The following WRN variants were observed in gnomAD, a reference collection of about 807,000 sequenced individuals.
WRN encodes bifunctional 3'-5' exonuclease/ATP-dependent helicase WRN.
WRN carries 149 observed loss-of-function variants against 180.7 expected under a neutral mutation model. The ratio of observed to expected loss-of-function variants is 0.82; its 90% confidence interval spans 0.72 to 0.94. The LOEUF (loss-of-function observed/expected upper bound fraction) is 0.94. Ranked by LOEUF, WRN falls within the 40% of genes least tolerant of loss-of-function variation. The pLI, the probability that WRN is intolerant of heterozygous loss-of-function variation, is 0.00. For synonymous variants in WRN, 548 were observed against 568.9 expected (o/e 0.96, Z 0.52); for missense variants, 1,661 against 1,700.1 (o/e 0.98, Z 0.40).
In WRN at chr8:31,175,203, G is replaced by A. The variant is rs192099438; in HGVS notation, c.*2101G>A. ...TGTAATCCCAGCACTTTGGGAGGCC[G>A]AGGCGGGCGGATCACGAGATCAGGA... On this transcript the variant is annotated 3_prime_UTR_variant, in exon 35 of 35. Transcript: ENST00000298139. Among the ~76,000 whole-genome samples the A allele has an allele frequency of 1.5e-3, 226 of 152,214 alleles. 1 individual carries two copies. The highest frequency in any genetic ancestry group is 5.1e-3 in the African/African-American group (214 of 41,560).
At chr8:31,118,573 A>G (rs1801605245) in intron 20 of WRN, among the ~76,000 whole-genome samples, 1 of 152,006 alleles carries the variant, frequency 6.6e-6, no homozygotes, top group Admixed American at 6.6e-5. Flanking sequence ...AATTCTAGAT[A>G]TTCACTTTTG....
chr8:31,170,077 C>T (rs759366726), intron 34 of WRN, among the ~76,000 whole-genome samples: 4 of 152,288 alleles, frequency 2.6e-5, no homozygotes, highest in South Asian at 4.1e-4. Flanking sequence ...TGCTTTCTCC[C>T]GTACAGATGT....
intron 9 of WRN, among the ~76,000 whole-genome samples, chr8:31,082,494 T>C (rs1194926833): frequency 2.0e-5 from 3 of 152,188 alleles, no homozygotes; most frequent in Non-Finnish European, 4.4e-5. Flanking sequence ...GAAATATCAG[T>C]TTTTGCTAAC....
At chr8:31,089,683 A>G (rs1017792031) in intron 13 of WRN, among the ~76,000 whole-genome samples, 1 of 152,158 alleles carries the variant, frequency 6.6e-6, no homozygotes, top group Non-Finnish European at 1.5e-5. Flanking sequence ...GGTCAGTAAC[A>G]GCATGCCAGA....
chr8:31,048,170 A>G (rs1035735926), intron 1 of WRN, among the ~76,000 whole-genome samples: 2 of 152,226 alleles, frequency 1.3e-5, no homozygotes, highest in Non-Finnish European at 2.9e-5. Context: ...ACTTTTAAAA[A>G]TTACATCGTC....
intron 33 of WRN, among the ~76,000 whole-genome samples, chr8:31,164,843 A>G (rs992959680): frequency 2.0e-5 from 3 of 152,176 alleles, no homozygotes; most frequent in Non-Finnish European, 2.9e-5. Flanking sequence ...TCTGCAGTAG[A>G]TATTTTCAGC....
At chr8:31,054,793 T>C (rs1460905282) in intron 1 of WRN, among the ~76,000 whole-genome samples, 1 of 152,264 alleles carries the variant, frequency 6.6e-6, no homozygotes, top group African/African-American at 2.4e-5. Flanking sequence ...GCAGGTTTGC[T>C]ACATAGGTAA....
At chr8:31,108,695 C>T (rs1249988086) in intron 18 of WRN, among the ~76,000 whole-genome samples, 3 of 151,850 alleles carry the variant, frequency 2.0e-5, no homozygotes, top group Admixed American at 1.3e-4. Flanking sequence ...CACAGGTTTG[C>T]AGTGTTACAC....
Position 31,055,353 on chromosome 8 carries a change from A to C in WRN, c.-76-3019A>C, listed in dbSNP as rs10088374. Reference sequence around the variant, plus strand: ...TTCCACAATGGTTGAACTAGTTTACATTCCCACCAACAGTGTAAAAGCATT... The same window carrying C: ...TTCCACAATGGTTGAACTAGTTTACCTTCCCACCAACAGTGTAAAAGCATT... On this transcript the variant is annotated intron_variant, in intron 1 of 34. Coordinates refer to ENST00000298139, the MANE Select transcript of WRN (RefSeq NM_000553.6). 4.7e-3 allele frequency among the ~76,000 whole-genome samples: 713 copies of C among 152,332 alleles called. 4 individuals carry two copies. The highest frequency in any genetic ancestry group is 0.017 in the African/African-American group (697 of 41,586).
In WRN at chr8:31,141,796, C is replaced by A. The variant is rs181623040; in HGVS notation, c.3233+21C>A. The A allele has an allele frequency of 4.2e-5, 67 of 1,602,692 alleles. No homozygotes were observed. In the African/African-American group the frequency reaches 7.4e-4, roughly 18 times the overall value. On this transcript the variant is annotated intron_variant, in intron 26 of 34. Transcript: ENST00000298139. ...CCTAGGTTCATTTTTCAGTTTTTTT[C>A]TTGTAACTTCTGCATTTTTTGTTGC...
chr8:31,143,106 C>T (rs111243149), intron 27 of WRN, among the ~76,000 whole-genome samples: 2,411 of 151,350 alleles, frequency 0.016, 55 homozygotes, highest in African/African-American at 0.055. Context: ...CACTTATGTA[C>T]TTTCTTGCTT....
intron 26 of WRN, 40 bp from the exon 27 acceptor site, chr8:31,142,586 A>G (rs905373214): frequency 5.5e-6 from 8 of 1,454,138 alleles, no homozygotes; most frequent in African/African-American, 2.8e-5. Context: ...AGATACTTGC[A>G]TCTTAACATT....
chr8:31,114,222 T>G (rs1206900402), intron 19 of WRN, among the ~76,000 whole-genome samples: 2 of 152,160 alleles, frequency 1.3e-5, no homozygotes, highest in Non-Finnish European at 1.5e-5. Context: ...TTCCTTTAAT[T>G]TGTTTATCAG....
At chr8:31,093,863 T>A (rs1442526840) in intron 16 of WRN, among the ~76,000 whole-genome samples, 1 of 152,246 alleles carries the variant, frequency 6.6e-6, no homozygotes, top group Non-Finnish European at 1.5e-5. Flanking sequence ...TTTTATGTGC[T>A]CTTTTTTGTC....
At chr8:31,089,322 C>T (rs1044412972) in intron 13 of WRN, among the ~76,000 whole-genome samples, 2 of 151,902 alleles carry the variant, frequency 1.3e-5, no homozygotes, top group Non-Finnish European at 2.9e-5. Flanking sequence ...TGCAGATGTA[C>T]TAGAAGTTCT....
At chr8:31,092,630 C>T (rs1813796211) in intron 16 of WRN, among the ~76,000 whole-genome samples, 1 of 151,912 alleles carries the variant, frequency 6.6e-6, no homozygotes, top group South Asian at 2.1e-4. Context: ...TTAGTATATA[C>T]ATACACACGA....
chr8:31,052,697 G>A (rs1244380840), intron 1 of WRN, among the ~76,000 whole-genome samples: 1 of 152,034 alleles, frequency 6.6e-6, no homozygotes, highest in Admixed American at 6.6e-5. Context: ...TTTTTAATTT[G>A]CTTTTTTCAC....
At chr8:31,096,654 A>C (rs1211067646) in intron 16 of WRN, 114 bp from the exon 17 acceptor site, 1 of 835,106 alleles carries the variant, frequency 1.2e-6, no homozygotes, top group Admixed American at 2.6e-5. Context: ...TTAAACTTTC[A>C]TAAGGTATCT....
intron 33 of WRN, among the ~76,000 whole-genome samples, chr8:31,162,272 A>G (rs1803658823): frequency 6.6e-6 from 1 of 151,970 alleles, no homozygotes; most frequent in South Asian, 2.1e-4. Flanking sequence ...TCTGTTTTTG[A>G]TTTTGTTAAA....
Sources: allele counts gnomAD v4.1 joint callset (sites outside exome capture counted in the v4.1 genomes callset), GRCh38; gene constraint gnomAD v4.1.1; transcripts MANE v1.5; gene names NCBI Gene and HGNC (gene_info 2026-07-23, HGNC 2026-07-21).